WLS: variants seen among roughly 807,000 people sequenced by gnomAD.
WLS encodes the protein protein wntless homolog.
In WLS, 23 loss-of-function variants were observed where a neutral mutation model predicts 62.8. The observed-to-expected ratio is 0.37, with a 90% CI of 0.26 to 0.52. WLS has a LOEUF of 0.52. Ranked by LOEUF, WLS falls within the 20% of genes least tolerant of loss-of-function variation. The pLI is 0.92. For missense variants in WLS, 615 were observed against 697.3 expected (o/e 0.88, Z 1.33); for synonymous variants, 246 against 244.1 (o/e 1.01, Z -0.07).
chr1:68,132,991 A>G (rs760352846), intron 11 of WLS, among the ~76,000 whole-genome samples: 13 of 152,026 alleles, frequency 8.6e-5, no homozygotes, highest in Admixed American at 2.6e-4. Context: ...GACATCCAGA[A>G]TGATTCACAA....
At chr1:68,170,900 AATAG>A (rs1432666962) in intron 2 of WLS, among the ~76,000 whole-genome samples, 1 of 152,230 alleles carries the variant, frequency 6.6e-6, no homozygotes, top group African/African-American at 2.4e-5. Flanking sequence ...GTCTTTGCAC[AATAG>A]ATATTCATTG....
At chr1:68,116,547 C>T (rs914711973) in intron 11 of WLS, among the ~76,000 whole-genome samples, 2 of 152,098 alleles carry the variant, frequency 1.3e-5, no homozygotes, top group Non-Finnish European at 2.9e-5. Context: ...GCTCTCTGTG[C>T]CAACAATTGT....
At chr1:68,229,159 T>C (rs1428199793) in intron 1 of WLS, among the ~76,000 whole-genome samples, 2 of 152,146 alleles carry the variant, frequency 1.3e-5, no homozygotes, top group Non-Finnish European at 2.9e-5. Context: ...GCTAGTTAAC[T>C]CACTTGCCTG....
chr1:68,099,753 G>A (rs979835126), intron 11 of WLS: 2 of 152,144 alleles, frequency 1.3e-5, no homozygotes, highest in African/African-American at 2.4e-5. Flanking sequence ...ATGGTTGGGT[G>A]CGGAACCTGC....
At chr1:68,109,509 C>A (rs1218353721) in intron 11 of WLS, among the ~76,000 whole-genome samples, 9 of 151,826 alleles carry the variant, frequency 5.9e-5, no homozygotes, top group African/African-American at 2.2e-4. Context: ...AAAATTCATT[C>A]AAAAAATATG....
Position 68,118,647 on chromosome 1 carries a change from G to T in WLS, c.1510+19133C>A, listed in dbSNP as rs192765433. On this transcript the variant is annotated intron_variant, in intron 11 of 11. Transcript: ENST00000354777. ...TCCCAACACTTTGGGAAGCCAAGAC[G>T]GGCAAATCACAAGGTCAGGAGTTCG... is the stretch of plus-strand genomic sequence containing the variant. Among the ~76,000 whole-genome samples, 19 of 151,968 alleles carry T rather than the reference G, an allele frequency of 1.3e-4. No homozygotes were observed. The East Asian group carries it at 1.4e-3, about 11-fold the overall frequency.
chr1:68,114,695 A>C (rs1646268583), intron 11 of WLS, among the ~76,000 whole-genome samples: 1 of 152,200 alleles, frequency 6.6e-6, no homozygotes, highest in South Asian at 2.1e-4. Flanking sequence ...TTATCCCTCG[A>C]GCCAGCCCCT....
intron 11 of WLS, among the ~76,000 whole-genome samples, chr1:68,108,046 T>C (rs1417278229): frequency 6.6e-6 from 1 of 152,184 alleles, no homozygotes; most frequent in African/African-American, 2.4e-5. Context: ...AGGTCTTTTA[T>C]TAGTCTTTAA....
intron 4 of WLS, among the ~76,000 whole-genome samples, chr1:68,154,405 C>G (rs1333425286): frequency 2.0e-5 from 3 of 152,068 alleles, no homozygotes; most frequent in Non-Finnish European, 4.4e-5. Flanking sequence ...TAAATCTATT[C>G]TATAAAATGC....
In WLS at chr1:68,153,628, G is replaced by C. The variant is rs1394764795; in HGVS notation, c.692C>G (p.Thr231Ser). The C allele has an allele frequency of 1.2e-6, 2 of 1,614,044 alleles. No homozygotes were observed. The highest frequency in any genetic ancestry group is 2.7e-5 in the African/African-American group (2 of 74,912). Residue 231 changes from threonine (T) to serine (S), a missense_variant, in exon 5 of 12, where the codon ACC (threonine) becomes AGC (serine). Physicochemically the swap from Thr to Ser is moderately conservative, Grantham distance 58 (BLOSUM62 1). Transcript: ENST00000262348. ...LVGIHQNGGF[T>S]KVWFAMKTFL... is the part of the protein sequence containing the mutation. ...GGTCTTCATGGCAAACCACACCTTG[G>C]TGAAGCCTCCATTTTGGTGGATCCC...
At position 68,150,193 on chromosome 1, in the gene WLS, T is replaced by A; in HGVS notation, c.967A>T (p.Met323Leu). ...TCCCTCCCGGCGGCTCTTACCATCATGTGCTCGCCACAGAAGATGATCCAG... is the reference window on the plus strand; with the variant it reads ...TCCCTCCCGGCGGCTCTTACCATCAAGTGCTCGCCACAGAAGATGATCCAG... ...SFWIIFCGEH[M>L]MDQHERNHIA... is the part of the protein sequence containing the mutation. Residue 323 changes from methionine to leucine, a missense_variant, in exon 6 of 12, where the codon ATG becomes TTG. Met to Leu is a conservative substitution (Grantham distance 15). Transcript: ENST00000262348. 1 of 1,614,070 alleles carries A rather than the reference T, an allele frequency of 6.2e-7. No individual in the cohort carries two copies. Among genetic ancestry groups the A allele is most frequent in the Non-Finnish European group, 8.5e-7 (1 of 1,179,996 alleles).
chr1:68,161,607 T>A (rs1397440629), intron 2 of WLS, among the ~76,000 whole-genome samples: 1 of 152,220 alleles, frequency 6.6e-6, no homozygotes, highest in African/African-American at 2.4e-5. Context: ...GTTTTCTAGC[T>A]CTTGTAGTTT....
rs1553131191 is a variant in WLS, at chr1:68,170,160, C to CTTTTTTTCTTTTCT, written c.380-10914_380-10913insAGAAAAGAAAAAAA. On this transcript the variant is annotated intron_variant, in intron 2 of 11. Coordinates refer to ENST00000262348, the MANE Select transcript of WLS (RefSeq NM_024911.7). ...ACTCAGTCAATGCTGGCTACTATTT[C>CTTTTTTTCTTTTCT]TTTTTTTTTTTTTTTTTTTTTTGAG... Among the ~76,000 whole-genome samples, 3 of 86,750 alleles carry CTTTTTTTCTTTTCT rather than the reference C, an allele frequency of 3.5e-5. No individual in the cohort carries two copies. In the East Asian group the frequency reaches 1.1e-3, roughly 31 times the overall value. The allele number at this position is 86,750 out of a possible 152,430, so 56.9% of individuals were successfully genotyped here. A position where few individuals can be genotyped will look rare whatever the true frequency, so the allele number is the denominator to read the frequency against.
At chr1:68,135,626 G>C (rs1646598322) in intron 11 of WLS, among the ~76,000 whole-genome samples, 1 of 152,098 alleles carries the variant, frequency 6.6e-6, no homozygotes, top group Non-Finnish European at 1.5e-5. Context: ...TTTCCCACCG[G>C]TATTATCATT....
In WLS at chr1:68,125,403, A is replaced by G. The variant is rs554532397; in HGVS notation, c.*823T>C. On this transcript the variant is annotated 3_prime_UTR_variant, in exon 12 of 12. Transcript: ENST00000262348. ...GATATGCATGTACACATATGCATAT[A>G]CATACAGGTTTATTTAAATGATTGG... The G allele has an allele frequency of 1.2e-5, 12 of 966,726 alleles. No homozygotes were observed. In the African/African-American group the frequency reaches 2.3e-4, roughly 19 times the overall value. 59.9% of individuals were successfully genotyped at this position (966,726 alleles called of 1,614,324 possible).
chr1:68,146,102 T>G (rs1171478309), intron 8 of WLS, 90 bp from the exon 9 acceptor site: 1 of 1,438,220 alleles, frequency 7.0e-7, no homozygotes, highest in Admixed American at 2.3e-5. Flanking sequence ...TTGGCAATAC[T>G]TGTTTTGTCT....
chr1:68,122,077 A>T (rs1476813617), downstream of WLS, among the ~76,000 whole-genome samples: 3 of 152,220 alleles, frequency 2.0e-5, no homozygotes, highest in African/African-American at 7.2e-5. Context: ...ATCACACAGA[A>T]ATTCTAGTTT....
rs553029694 is a variant in WLS at position 68,151,655 on chromosome 1, C to T, written c.804-1299G>A. ...GGAGAGCAATGGGGATGTGATTTTA[C>T]GTAAGGTGGACAGACGAAGAGATCA... On this transcript the variant is annotated intron_variant, in intron 5 of 11. Transcript: ENST00000262348. 7.0e-4 allele frequency among the ~76,000 whole-genome samples: 106 copies of T among 151,838 alleles called. 1 individual carries two copies. Among genetic ancestry groups the T allele is most frequent in the Middle Eastern group, 3.4e-3 (1 of 294 alleles).
At chr1:68,210,494 C>T (rs1426910554) in intron 1 of WLS, among the ~76,000 whole-genome samples, 1 of 152,118 alleles carries the variant, frequency 6.6e-6, no homozygotes, top group Non-Finnish European at 1.5e-5. Flanking sequence ...AACATTTAAC[C>T]ATCGTAATGT....
Sources: allele counts gnomAD v4.1 joint callset (sites outside exome capture counted in the v4.1 genomes callset), GRCh38; gene constraint gnomAD v4.1.1; transcripts MANE v1.5; gene names NCBI Gene and HGNC (gene_info 2026-07-23, HGNC 2026-07-21).